CDO1: variants seen among roughly 807,000 people sequenced by gnomAD.
CDO1 encodes the protein cysteine dioxygenase, type I.
CDO1 carries 19 observed loss-of-function variants against 24.5 expected under a neutral mutation model. That is an observed-to-expected ratio of 0.77 (90% CI 0.54 to 1.14). The LOEUF (loss-of-function observed/expected upper bound fraction) is 1.14, where lower values mean the gene tolerates loss of function less well. CDO1 is among the 50% of genes most tolerant of loss of function. CDO1 has a pLI of 0.00. For synonymous variants in CDO1, 91 were observed against 87.0 expected (o/e 1.05, Z -0.26); for missense variants, 244 against 244.8 (o/e 1.00, Z 0.02).
intron 1 of CDO1, 44 bp from the exon 2 acceptor site, chr5:115,813,302 AAACAAGC>A (rs770076996): frequency 3.8e-6 from 4 of 1,066,448 alleles, no homozygotes; most frequent in Non-Finnish European, 5.8e-6. Flanking sequence ...TTCGTTGCTG[AAACAAGC>A]ACTGGAAAAA....
chr5:115,813,251 G>A lies in CDO1; in HGVS notation c.178C>T (p.Arg60Ter), dbSNP rs775227992. ...CCATTTCCTTGATCCACAAGATTTC[G>A]GGTATACCTAAAAAAAAACAATATA... ...YAKFDQYRYT[R>*]NLVDQGNGKF... The change falls in exon 2 of 5, where the codon CGA (arginine) becomes TGA (stop). Residue 60 changes from arginine (R) to a stop codon, truncating the protein, a stop_gained. Coordinates refer to ENST00000250535, the MANE Select transcript of CDO1 (RefSeq NM_001801.3). LOFTEE classifies it high-confidence loss of function. The A allele has an allele frequency of 8.9e-6, 14 of 1,575,308 alleles. No homozygotes were observed. Among genetic ancestry groups the A allele is most frequent in the East Asian group, 2.2e-5 (1 of 44,586 alleles).
intron 1 of CDO1, among the ~76,000 whole-genome samples, chr5:115,813,624 T>C (rs1580545529): frequency 1.4e-5 from 1 of 72,486 alleles, no homozygotes; most frequent in East Asian, 4.1e-4. Flanking sequence ...TTGCTATTGT[T>C]TTTTTTTTTT....
chr5:115,814,478 T>C (rs1760338657), intron 1 of CDO1: 1 of 152,266 alleles, frequency 6.6e-6, no homozygotes, highest in South Asian at 2.1e-4. Context: ...TTCACAGCGC[T>C]AGGCACCTAT....
Position 115,805,415 on chromosome 5 carries a change from C to T in CDO1, c.*18G>A. The T allele has an allele frequency of 6.2e-7, 1 of 1,612,820 alleles. No individual in the cohort carries two copies. The highest frequency in any genetic ancestry group is 8.5e-7 in the Non-Finnish European group (1 of 1,179,244). On this transcript the variant is annotated 3_prime_UTR_variant, in exon 5 of 5. Coordinates refer to ENST00000250535, the MANE Select transcript of CDO1 (RefSeq NM_001801.3). ...TACAGCGAACCTTAAAGTAAAACCT[C>T]AGAGGGTTTGGTGCCCCTTAGTTGT...
At chr5:115,812,502 C>T (rs935101455) in intron 2 of CDO1, among the ~76,000 whole-genome samples, 6 of 152,184 alleles carry the variant, frequency 3.9e-5, no homozygotes, top group Admixed American at 3.9e-4. Flanking sequence ...TTCAAATCTC[C>T]ATCCTTTGGT....
intron 1 of CDO1, chr5:115,813,786 A>T (rs1760306044): frequency 6.5e-6 from 1 of 153,514 alleles, no homozygotes; most frequent in Non-Finnish European, 1.4e-5. Flanking sequence ...GTGGGGGCTG[A>T]TCTAACTACC....
chr5:115,816,198 C>A (rs1206918664), intron 1 of CDO1, 30 bp downstream of exon 1: 1 of 1,600,456 alleles, frequency 6.2e-7, no homozygotes. Context: ...GAGTGGGCGC[C>A]GCCTGGCATT....
intron 4 of CDO1, 134 bp downstream of exon 4, chr5:115,806,215 C>T (rs1420951386): frequency 8.3e-6 from 4 of 482,038 alleles, no homozygotes; most frequent in East Asian, 3.5e-5. Context: ...AAAAGATAGT[C>T]GCTAAAGTTA....
At chr5:115,809,843 G>T (rs899248989) in intron 3 of CDO1, 1 of 152,110 alleles carries the variant, frequency 6.6e-6, no homozygotes. Flanking sequence ...TATGGAAAAA[G>T]AAACCAGGTT....
chr5:115,815,980 G>A (rs1760418835), intron 1 of CDO1, among the ~76,000 whole-genome samples: 1 of 152,234 alleles, frequency 6.6e-6, no homozygotes, highest in African/African-American at 2.4e-5. Context: ...CTCCCTTCCC[G>A]GCGCCTGTCC....
chr5:115,811,850 G>C (rs143080296), intron 2 of CDO1, among the ~76,000 whole-genome samples: 1 of 152,046 alleles, frequency 6.6e-6, no homozygotes, highest in African/African-American at 2.4e-5. Flanking sequence ...CCATCCTAAA[G>C]TTACACTGTA....
rs1760343651 is a variant in CDO1, at chr5:115,814,582, T to G, written c.171-1324A>C. 5 of 152,428 alleles carry G rather than the reference T, an allele frequency of 3.3e-5. No homozygotes were observed. In the South Asian group the frequency reaches 6.2e-4, roughly 19 times the overall value. The allele number at this position is 152,428 out of a possible 1,614,324, so 9.4% of individuals were successfully genotyped here. A position where few individuals can be genotyped will look rare whatever the true frequency, so the allele number is the denominator to read the frequency against. On this transcript the variant is annotated intron_variant, in intron 1 of 4. Transcript: ENST00000250535. ...GACTACATCCATTATGTTAATGAGC[T>G]GTACCTCAGATATCTGTGAAAAGAC... is the stretch of plus-strand genomic sequence containing the variant.
At position 115,813,634 on chromosome 5, in the gene CDO1, T is replaced by A. The variant is rs1490761202; in HGVS notation, c.171-376A>T. 2.7e-5 allele frequency among the ~76,000 whole-genome samples: 4 copies of A among 149,084 alleles called. No homozygotes were observed. In the East Asian group the frequency reaches 7.7e-4, roughly 29 times the overall value. ...GAATGTTGCTATTGTTTTTTTTTTT[T>A]TCTTTTTTCTGCCTGTAGCTAAATC... On this transcript the variant is annotated intron_variant, in intron 1 of 4. Transcript: ENST00000250535.
At position 115,816,558 on chromosome 5, in the gene CDO1, C is replaced by G. The variant is rs1472656762; in HGVS notation, c.-161G>C. 7.8e-6 allele frequency: 6 copies of G among 766,592 alleles called. No homozygotes were observed. The highest frequency in any genetic ancestry group is 1.3e-5 in the Non-Finnish European group (6 of 476,418). The allele number at this position is 766,592 out of a possible 1,614,324, so 47.5% of individuals were successfully genotyped here. On this transcript the variant is annotated 5_prime_UTR_variant, in exon 1 of 5. Transcript: ENST00000250535. ...TTAGAGTGCCGAAACGTAAGGATGT[C>G]GTCGCAGAGACAGCAAGAGACCCAC... is the stretch of plus-strand genomic sequence containing the variant.
intron 1 of CDO1, 69 bp downstream of exon 1, chr5:115,816,159 C>CGA: frequency 6.7e-7 from 1 of 1,503,440 alleles, no homozygotes. Flanking sequence ...GGGCTGCGTC[C>CGA]CCCACGTCCA....
intron 3 of CDO1, among the ~76,000 whole-genome samples, chr5:115,806,730 AT>A (rs1759964972): frequency 6.6e-6 from 1 of 152,256 alleles, no homozygotes; most frequent in South Asian, 2.1e-4. Flanking sequence ...CAGTAAAAAA[AT>A]AAAAAAGACA....
In CDO1 at chr5:115,809,341, T is replaced by C. The variant is rs1760087113; in HGVS notation, c.403+1820A>G. Among the ~76,000 whole-genome samples the C allele has an allele frequency of 2.0e-5, 3 of 152,110 alleles. No individual in the cohort carries two copies. The South Asian group carries it at 6.2e-4, about 32-fold the overall frequency. ...GGGGTATTTATGAAGCAGAGTTAGG[T>C]CCAGGCCCGGTCGACCTTTTGCTCA... On this transcript the variant is annotated intron_variant, in intron 3 of 4. Coordinates refer to ENST00000250535, the MANE Select transcript of CDO1 (RefSeq NM_001801.3).
chr5:115,810,999 G>A (rs771637710), intron 3 of CDO1, among the ~76,000 whole-genome samples, 162 bp downstream of exon 3: 4 of 152,068 alleles, frequency 2.6e-5, no homozygotes, highest in Non-Finnish European at 4.4e-5. Context: ...AAGATACAAA[G>A]GCTTAAAAAA....
chr5:115,805,244 CT>C lies in CDO1; in HGVS notation c.*188del, dbSNP rs1248794238. The C allele has an allele frequency of 2.2e-5, 11 of 509,966 alleles. No homozygotes were observed. In the African/African-American group the frequency reaches 2.2e-4, roughly 10 times the overall value. 31.6% of individuals were successfully genotyped at this position (509,966 alleles called of 1,614,324 possible). The stretch of plus-strand genomic sequence containing the variant: ...CAAGACTTTCTTTTCCTCAGTGGGA[CT>C]TTTCTTCTGCAGTAGCTGAGGGCAC... On this transcript the variant is annotated 3_prime_UTR_variant, in exon 5 of 5. Transcript: ENST00000250535.
Sources: gnomAD v4.1 joint callset for allele counts (sites outside exome capture counted in the v4.1 genomes callset) on GRCh38, gnomAD v4.1.1 for gene constraint, MANE v1.5 for transcripts, NCBI Gene and HGNC (gene_info 2026-07-23, HGNC 2026-07-21) for gene names.